Variants in DENND11 observed in about 807,000 individuals in gnomAD.
DENND11 encodes the protein DENN domain containing 11.
DENND11 carries 34 observed loss-of-function variants against 49.2 expected under a neutral mutation model. The observed-to-expected ratio is 0.69, with a 90% CI of 0.53 to 0.92. DENND11 has a LOEUF of 0.92. Ranked by LOEUF, DENND11 falls within the 40% of genes least tolerant of loss-of-function variation. DENND11 has a pLI of 0.00. For synonymous variants in DENND11, 238 were observed against 230.3 expected, an observed-to-expected ratio of 1.03 and a Z score of -0.30; for missense variants, 475 against 581.6, an observed-to-expected ratio of 0.82 and a Z score of 1.88.
intron 3 of DENND11, among the ~76,000 whole-genome samples, chr7:141,684,585 C>T (rs548189428): frequency 3.9e-5 from 6 of 152,100 alleles, no homozygotes; most frequent in South Asian, 2.1e-4. Context: ...AAATAATAAA[C>T]GTGTTTTCCA....
rs1217592226 is a variant in DENND11 at position 141,660,398 on chromosome 7, G to A, written c.*2258C>T. 2.0e-5 allele frequency: 3 copies of A among 152,310 alleles called. No homozygotes were observed. The highest frequency in any genetic ancestry group is 3.4e-3 in the Middle Eastern group (1 of 292). 9.4% of individuals were successfully genotyped at this position (152,310 alleles called of 1,614,324 possible). On this transcript the variant is annotated 3_prime_UTR_variant, in exon 9 of 9. Transcript: ENST00000536163. Reference sequence around the variant, plus strand: ...TCTGCATGAGCAGGAGGGTGGACACGTGGAGATGTGAGACAGAAAGCTACC... The same window carrying A: ...TCTGCATGAGCAGGAGGGTGGACACATGGAGATGTGAGACAGAAAGCTACC...
In DENND11 at chr7:141,701,935, C is replaced by A; in HGVS notation, c.219G>T (p.Glu73Asp). The A allele has an allele frequency of 8.3e-7, 1 of 1,205,182 alleles. No homozygotes were observed. Among genetic ancestry groups the A allele is most frequent in the Non-Finnish European group, 1.0e-6 (1 of 970,348 alleles). The allele number at this position is 1,205,182 out of a possible 1,614,324, so 74.7% of individuals were successfully genotyped here. Residue 73 changes from glutamate to aspartate, a missense_variant, in exon 1 of 9, where the codon GAG becomes GAT. Coordinates refer to ENST00000536163, the MANE Select transcript of DENND11 (RefSeq NM_001080392.2). Reference protein sequence around the residue: ...QPGRLELGDVEEDQVVAVFVV... With the variant: ...QPGRLELGDVDEDQVVAVFVV... ...CGAACACGGCCACCACCTGGTCCTC[C>A]TCCACGTCGCCCAGCTCCAGGCGCC...
At chr7:141,695,891 G>T (rs534484790) in intron 1 of DENND11, among the ~76,000 whole-genome samples, 7 of 152,180 alleles carry the variant, frequency 4.6e-5, no homozygotes, top group Non-Finnish European at 8.8e-5. Flanking sequence ...GGATTCACAT[G>T]ACCACGGGAG....
chr7:141,684,396 T>C (rs1230419979), intron 3 of DENND11, among the ~76,000 whole-genome samples: 1 of 152,238 alleles, frequency 6.6e-6, no homozygotes, highest in Non-Finnish European at 1.5e-5. Context: ...TTATGTTTAA[T>C]ATATTTCATT....
chr7:141,673,646 A>T (rs777539148), intron 4 of DENND11, among the ~76,000 whole-genome samples: 44 of 152,238 alleles, frequency 2.9e-4, no homozygotes, highest in Non-Finnish European at 5.0e-4. Flanking sequence ...CTAACTGTAA[A>T]TAGGCATATT....
chr7:141,678,065 G>A (rs1440925020), intron 3 of DENND11, among the ~76,000 whole-genome samples: 1 of 151,844 alleles, frequency 6.6e-6, no homozygotes. Context: ...GGGTTCAAGC[G>A]ATTCTCCTGC....
intron 1 of DENND11, among the ~76,000 whole-genome samples, chr7:141,692,973 TACTA>T (rs1459032970): frequency 1.3e-5 from 2 of 152,218 alleles, no homozygotes; most frequent in East Asian, 1.9e-4. Flanking sequence ...CTAGATATAA[TACTA>T]ACAGCACAAT....
chr7:141,696,880 T>G (rs532571521), intron 1 of DENND11, among the ~76,000 whole-genome samples: 2 of 152,316 alleles, frequency 1.3e-5, no homozygotes, highest in Middle Eastern at 3.4e-3. Context: ...TGAAACAGTC[T>G]TAAAACCACC....
At chr7:141,685,175 C>T (rs903648080) in intron 3 of DENND11, among the ~76,000 whole-genome samples, 2 of 151,466 alleles carry the variant, frequency 1.3e-5, no homozygotes, top group Middle Eastern at 3.2e-3. Flanking sequence ...GTAACTATTG[C>T]GGCTTTGCAT....
At chr7:141,679,786 CAGAAAA>C (rs976294359) in intron 3 of DENND11, among the ~76,000 whole-genome samples, 6 of 149,722 alleles carry the variant, frequency 4.0e-5, no homozygotes, top group African/African-American at 1.2e-4. Context: ...AAATGGTTCA[CAGAAAA>C]AGAAATACAA....
chr7:141,669,454 G>A (rs893229506), intron 4 of DENND11, among the ~76,000 whole-genome samples: 4 of 146,576 alleles, frequency 2.7e-5, no homozygotes, highest in Non-Finnish European at 6.1e-5. Context: ...CACCATGTTG[G>A]CTAGGCTGGT....
intron 1 of DENND11, among the ~76,000 whole-genome samples, chr7:141,694,513 T>C (rs1798380765): frequency 6.6e-6 from 1 of 152,176 alleles, no homozygotes; most frequent in South Asian, 2.1e-4. Context: ...CTTCCACCTC[T>C]GTCTTCCAAA....
At chr7:141,677,260 A>G (rs1798071903) in intron 3 of DENND11, among the ~76,000 whole-genome samples, 1 of 151,688 alleles carries the variant, frequency 6.6e-6, no homozygotes, top group Non-Finnish European at 1.5e-5. Context: ...ACCTGTCTCT[A>G]ATAAATATCC....
intron 8 of DENND11, chr7:141,663,485 A>T (rs1207739590): frequency 6.6e-6 from 1 of 152,360 alleles, no homozygotes; most frequent in East Asian, 1.9e-4. Flanking sequence ...GGCACATGTC[A>T]TACCTGGATG....
rs770795549 is a variant in DENND11, at chr7:141,664,913, T to C, written c.1094A>G (p.Asn365Ser). Residue 365 changes from asparagine to serine, a missense_variant, in exon 7 of 9, where the codon AAC becomes AGC. Physicochemically the swap from Asn to Ser is conservative, Grantham distance 46. Transcript: ENST00000536163. ...CCTTAGCTGCCACTACCTCTGCTCG[T>C]TGAGCCGGCGGTACTTCTCCCTGTC... Reference protein sequence around the residue: ...SADREKYRRLNEQRQMLLYSQ... With the variant: ...SADREKYRRLSEQRQMLLYSQ... 162 of 1,611,852 alleles carry C rather than the reference T, an allele frequency of 1.0e-4. No homozygotes were observed. Among genetic ancestry groups the C allele is most frequent in the Non-Finnish European group, 1.3e-4 (155 of 1,179,004 alleles).
At chr7:141,683,642 C>G (rs986885906) in intron 3 of DENND11, among the ~76,000 whole-genome samples, 1 of 151,984 alleles carries the variant, frequency 6.6e-6, no homozygotes, top group Non-Finnish European at 1.5e-5. Flanking sequence ...GACTCCATCT[C>G]AACAAACAAA....
chr7:141,675,211 G>T (rs1798046088), intron 3 of DENND11, among the ~76,000 whole-genome samples: 1 of 152,270 alleles, frequency 6.6e-6, no homozygotes, highest in South Asian at 2.1e-4. Flanking sequence ...CTGGGATGAT[G>T]CATCTACAAG....
chr7:141,685,029 A>ATATAT (rs1554410117), intron 3 of DENND11, among the ~76,000 whole-genome samples: 7 of 91,544 alleles, frequency 7.6e-5, no homozygotes, highest in East Asian at 3.4e-4. Flanking sequence ...AAAAAAAAAA[A>ATATAT]ATATATATAT....
At position 141,657,643 on chromosome 7, in the gene DENND11, C is replaced by T. The variant is rs1289018823; in HGVS notation, c.*5013G>A. 1 of 152,220 alleles carries T rather than the reference C, an allele frequency of 6.6e-6. No individual in the cohort carries two copies. The highest frequency in any genetic ancestry group is 1.5e-5 in the Non-Finnish European group (1 of 68,026). The allele number at this position is 152,220 out of a possible 1,614,324, so 9.4% of individuals were successfully genotyped here. A position where few individuals can be genotyped will look rare whatever the true frequency, so the allele number is the denominator to read the frequency against. On this transcript the variant is annotated 3_prime_UTR_variant, in exon 9 of 9. Transcript: ENST00000536163. ...TATAGCAAACATAAGTAATTCACACCTGGCCTACTATGAAAATTAAATTTT... is the reference window on the plus strand; with the variant it reads ...TATAGCAAACATAAGTAATTCACACTTGGCCTACTATGAAAATTAAATTTT...
Sources: allele counts gnomAD v4.1 joint callset (sites outside exome capture counted in the v4.1 genomes callset), GRCh38; gene constraint gnomAD v4.1.1; transcripts MANE v1.5; gene names NCBI Gene and HGNC (gene_info 2026-07-23, HGNC 2026-07-21).